IGSF21: variants seen among roughly 807,000 people sequenced by gnomAD.
IGSF21 encodes immunoglobulin superfamily member 21.
In IGSF21, 28 loss-of-function variants were observed where a neutral mutation model predicts 46.8. That is an observed-to-expected ratio of 0.60 (90% CI 0.44 to 0.82). The LOEUF is 0.82. Among genes scored for constraint, IGSF21 ranks in the 40% least tolerant of loss-of-function variants. IGSF21 has a pLI of 0.00. For synonymous variants in IGSF21, 284 were observed against 273.6 expected, an observed-to-expected ratio of 1.04 and a Z score of -0.38; for missense variants, 624 against 665.5, an observed-to-expected ratio of 0.94 and a Z score of 0.69.
At chr1:18,357,104 G>A (rs1201190850) in intron 4 of IGSF21, among the ~76,000 whole-genome samples, 1 of 149,686 alleles carries the variant, frequency 6.7e-6, no homozygotes, top group African/African-American at 2.5e-5. Flanking sequence ...ATGGGGTAAA[G>A]ATAAGAATAG....
At chr1:18,193,782 A>T (rs59161229) in intron 1 of IGSF21, among the ~76,000 whole-genome samples, 1,789 of 152,264 alleles carry the variant, frequency 0.012, 35 homozygotes, top group African/African-American at 0.041. Flanking sequence ...CTCAGCATTG[A>T]CCATCACAGA....
chr1:18,274,231 G>C (rs1464121670), intron 2 of IGSF21, among the ~76,000 whole-genome samples: 1 of 152,056 alleles, frequency 6.6e-6, no homozygotes, highest in Non-Finnish European at 1.5e-5. Flanking sequence ...GGCCTATGAA[G>C]GCTATAACCA....
chr1:18,343,327 C>G (rs753443020), intron 4 of IGSF21, among the ~76,000 whole-genome samples: 4 of 152,218 alleles, frequency 2.6e-5, no homozygotes, highest in Non-Finnish European at 5.9e-5. Flanking sequence ...TAAGAGTTCT[C>G]TATCTGACCT....
intron 4 of IGSF21, among the ~76,000 whole-genome samples, chr1:18,348,250 T>C (rs1318135112): frequency 6.6e-6 from 1 of 152,208 alleles, no homozygotes; most frequent in African/African-American, 2.4e-5. Context: ...AGATGGCCCA[T>C]TGAGCCCTCC....
intron 2 of IGSF21, among the ~76,000 whole-genome samples, chr1:18,287,331 G>A (rs565997257): frequency 6.6e-6 from 1 of 152,172 alleles, no homozygotes; most frequent in East Asian, 1.9e-4. Context: ...GGGAGGCGGA[G>A]CTTGCAGTGA....
intron 2 of IGSF21, among the ~76,000 whole-genome samples, chr1:18,240,137 G>T (rs1221160096): frequency 6.6e-6 from 1 of 152,124 alleles, no homozygotes; most frequent in Non-Finnish European, 1.5e-5. Flanking sequence ...AAATTAACCA[G>T]GCATGGTGGT....
chr1:18,201,715 G>T (rs2087077017), intron 1 of IGSF21, among the ~76,000 whole-genome samples: 1 of 152,084 alleles, frequency 6.6e-6, no homozygotes, highest in South Asian at 2.1e-4. Context: ...TGGGGTGTGT[G>T]TCGGGGGGTC....
At chr1:18,287,843 C>T (rs1313749238) in intron 2 of IGSF21, among the ~76,000 whole-genome samples, 3 of 152,222 alleles carry the variant, frequency 2.0e-5, no homozygotes, top group Non-Finnish European at 1.5e-5. Flanking sequence ...CTGCCTCCCT[C>T]TCTGGGTGTG....
rs61696337 is a variant in IGSF21, at chr1:18,358,031, C to CAG, written c.425-4069_425-4068dup. Among the ~76,000 whole-genome samples the CAG allele has an allele frequency of 2.2e-3, 327 of 150,884 alleles. 1 individual carries two copies. The highest frequency in any genetic ancestry group is 7.3e-3 in the African/African-American group (301 of 41,040). ...TGCGTGTGACTTAGGTGCAGATCTCCAGAGAGAGAGAGAGAGTGTGTGTGT... is the reference window on the plus strand; with the variant it reads ...TGCGTGTGACTTAGGTGCAGATCTCCAGAGAGAGAGAGAGAGAGTGTGTGTGT... On this transcript the variant is annotated intron_variant, in intron 4 of 9. Coordinates refer to ENST00000251296, the MANE Select transcript of IGSF21 (RefSeq NM_032880.5).
At chr1:18,314,105 C>A (rs1433470412) in intron 3 of IGSF21, among the ~76,000 whole-genome samples, 2 of 152,178 alleles carry the variant, frequency 1.3e-5, no homozygotes, top group African/African-American at 4.8e-5. Flanking sequence ...CTCTCACGGC[C>A]GGGGCCAATT....
intron 1 of IGSF21, among the ~76,000 whole-genome samples, chr1:18,135,503 C>G (rs1180211107): frequency 6.7e-6 from 1 of 148,648 alleles, no homozygotes; most frequent in Non-Finnish European, 1.5e-5. Context: ...TGAGTGAGAA[C>G]ATGCGGTGTT....
intron 2 of IGSF21, among the ~76,000 whole-genome samples, chr1:18,234,495 C>T (rs1011813519): frequency 7.2e-5 from 11 of 152,200 alleles, no homozygotes; most frequent in Non-Finnish European, 5.9e-5. Context: ...TCTTATGCTG[C>T]TATAAAGAAC....
At chr1:18,360,205 A>G (rs1217179838) in intron 4 of IGSF21, among the ~76,000 whole-genome samples, 1 of 152,114 alleles carries the variant, frequency 6.6e-6, no homozygotes, top group East Asian at 1.9e-4. Context: ...TTTCTAGGTA[A>G]TTGACGTGTT....
intron 1 of IGSF21, among the ~76,000 whole-genome samples, chr1:18,128,711 C>A (rs2086294037): frequency 6.6e-6 from 1 of 152,168 alleles, no homozygotes; most frequent in South Asian, 2.1e-4. Context: ...AGAGATGAAA[C>A]TCCCCTAGTG....
chr1:18,111,065 C>G (rs1257048752), intron 1 of IGSF21: 1 of 152,286 alleles, frequency 6.6e-6, no homozygotes, highest in Non-Finnish European at 1.5e-5. Context: ...GCTAGGCCGC[C>G]GCAACCGCAA....
intron 6 of IGSF21, among the ~76,000 whole-genome samples, chr1:18,373,604 T>C (rs1295547427): frequency 6.6e-6 from 1 of 152,258 alleles, no homozygotes; most frequent in Non-Finnish European, 1.5e-5. Flanking sequence ...CTGCCCACCC[T>C]CTGTGCCCCT....
At chr1:18,226,875 C>T (rs188295971) in intron 1 of IGSF21, among the ~76,000 whole-genome samples, 247 of 152,340 alleles carry the variant, frequency 1.6e-3, no homozygotes, top group African/African-American at 5.7e-3. Context: ...CCTGGATGAT[C>T]AGCCCAGGAA....
At position 18,365,630 on chromosome 1, in the gene IGSF21, G is replaced by C. The variant is rs751836646; in HGVS notation, c.948G>C (p.Glu316Asp). ...CCCTCAACCCACAGATCGACAACGA[G>C]GCCCTCTTCAGCTGCGAGGTCAAGC... ...TWTLNPQIDNEALFSCEVKHP... is the reference protein window; with the variant it reads ...TWTLNPQIDNDALFSCEVKHP... Residue 316 changes from glutamate (E) to aspartate (D), a missense_variant, in exon 6 of 10, where the codon GAG becomes GAC. By Grantham distance (45) the Glu-to-Asp change is conservative. Transcript: ENST00000251296. This position sits in a 1 kb window ranked among gnomAD's most constrained non-coding sequence, Gnocchi z 4.8. 1 of 1,614,188 alleles carries C rather than the reference G, an allele frequency of 6.2e-7. No individual in the cohort carries two copies.
At chr1:18,352,033 G>C (rs1424559298) in intron 4 of IGSF21, among the ~76,000 whole-genome samples, 1 of 152,174 alleles carries the variant, frequency 6.6e-6, no homozygotes, top group Admixed American at 6.5e-5. Context: ...CGATCAAGCC[G>C]TAAGTGGAAA....
Sources: gnomAD v4.1 joint callset for allele counts (sites outside exome capture counted in the v4.1 genomes callset) on GRCh38, gnomAD v4.1.1 for gene constraint, Gnocchi (gnomAD v3.1) non-coding constraint, MANE v1.5 for transcripts, NCBI Gene and HGNC (gene_info 2026-07-23, HGNC 2026-07-21) for gene names.